The following WRN variants were observed in gnomAD, a reference collection of about 807,000 sequenced individuals.
WRN encodes the protein bifunctional 3'-5' exonuclease/ATP-dependent helicase WRN.
WRN carries 149 observed loss-of-function variants against 180.7 expected under a neutral mutation model. That is an observed-to-expected ratio of 0.82 (90% CI 0.72 to 0.94). The LOEUF (loss-of-function observed/expected upper bound fraction) is 0.94, where lower values mean the gene tolerates loss of function less well. WRN is among the 40% of genes least tolerant of loss of function. The pLI is 0.00. For missense variants in WRN, 1,661 were observed against 1,700.1 expected (o/e 0.98, Z 0.40); for synonymous variants, 548 against 568.9 (o/e 0.96, Z 0.52).
chr8:31,171,602 A>G (rs1004649031), intron 34 of WRN: 5 of 152,220 alleles, frequency 3.3e-5, no homozygotes, highest in African/African-American at 4.8e-5. Context: ...CAAAGTTGCA[A>G]TCTTAGCCAG....
chr8:31,103,001 A>G (rs1362636440), intron 18 of WRN, among the ~76,000 whole-genome samples: 1 of 152,088 alleles, frequency 6.6e-6, no homozygotes, highest in Non-Finnish European at 1.5e-5. Context: ...TTATTTTAAA[A>G]TTTTATTATT....
At chr8:31,141,832 A>G in intron 26 of WRN, 57 bp downstream of exon 26, 1 of 1,511,380 alleles carries the variant, frequency 6.6e-7, no homozygotes, top group South Asian at 1.1e-5. Context: ...TATTTATGTG[A>G]TTCAAATTAT....
intron 20 of WRN, among the ~76,000 whole-genome samples, chr8:31,116,943 A>G (rs1160810974): frequency 6.6e-6 from 1 of 152,232 alleles, no homozygotes; most frequent in Non-Finnish European, 1.5e-5. Flanking sequence ...TGTGACTGGT[A>G]TGGAATGGTT....
Position 31,116,395 on chromosome 8 carries a change from C to T in WRN, c.2315C>T (p.Pro772Leu), listed in dbSNP as rs140730934. The change falls in exon 20 of 35, where the codon CCT (proline) becomes CTT (leucine). Residue 772 changes from proline (P) to leucine (L), a missense_variant. By Grantham distance (98) the Pro-to-Leu change is moderately conservative. Coordinates refer to ENST00000298139, the MANE Select transcript of WRN (RefSeq NM_000553.6). Reference sequence around the variant, plus strand: ...GAAGGTCCAACAATCATCTACTGTCCTTCTAGAAAAATGACACAACAAGTT... The same window carrying T: ...GAAGGTCCAACAATCATCTACTGTCTTTCTAGAAAAATGACACAACAAGTT... The part of the protein sequence containing the change: ...EFEGPTIIYC[P>L]SRKMTQQVTG... The T allele has an allele frequency of 6.2e-7, 1 of 1,613,866 alleles. No homozygotes were observed. The highest frequency in any genetic ancestry group is 8.5e-7 in the Non-Finnish European group (1 of 1,179,922).
intron 6 of WRN, among the ~76,000 whole-genome samples, 198 bp downstream of exon 6, chr8:31,067,380 A>C (rs577277915): frequency 6.6e-6 from 1 of 152,294 alleles, no homozygotes; most frequent in African/African-American, 2.4e-5. Flanking sequence ...CAATCAACAG[A>C]TTGTTCAATG....
chr8:31,076,345 C>T, intron 8 of WRN, 58 bp downstream of exon 8: 1 of 1,397,984 alleles, frequency 7.2e-7, no homozygotes, highest in Non-Finnish European at 1.0e-6. Flanking sequence ...TTTTTTATCA[C>T]ATTTTCCTAT....
At chr8:31,112,339 TAAG>T (rs1801352798) in intron 19 of WRN, among the ~76,000 whole-genome samples, 1 of 152,200 alleles carries the variant, frequency 6.6e-6, no homozygotes. Flanking sequence ...ACTTCAGTCT[TAAG>T]GAGCTTAGAA....
At chr8:31,161,912 G>A (rs1329350378) in intron 33 of WRN, among the ~76,000 whole-genome samples, 1 of 151,398 alleles carries the variant, frequency 6.6e-6, no homozygotes, top group African/African-American at 2.4e-5. Context: ...CTTGCACCCT[G>A]GGAGTTGCTC....
intron 18 of WRN, among the ~76,000 whole-genome samples, chr8:31,102,287 G>A (rs1005934762): frequency 6.6e-5 from 10 of 152,170 alleles, no homozygotes; most frequent in Admixed American, 2.6e-4. Context: ...TATATACATG[G>A]AATCATGCAA....
intron 33 of WRN, among the ~76,000 whole-genome samples, chr8:31,165,794 C>A (rs1317660493): frequency 6.6e-6 from 1 of 151,964 alleles, no homozygotes; most frequent in East Asian, 1.9e-4. Context: ...TACATACATA[C>A]AACAGAATAC....
chr8:31,151,047 A>G (rs1803104243), intron 31 of WRN, among the ~76,000 whole-genome samples: 1 of 152,200 alleles, frequency 6.6e-6, no homozygotes, highest in South Asian at 2.1e-4. Context: ...GCAGAAGGTG[A>G]GGCAGTGGGA....
At chr8:31,118,202 C>A (rs1323820207) in intron 20 of WRN, among the ~76,000 whole-genome samples, 5 of 152,094 alleles carry the variant, frequency 3.3e-5, no homozygotes, top group Non-Finnish European at 1.5e-5. Flanking sequence ...GGAAACTTCA[C>A]AATGATCATT....
chr8:31,095,571 A>G (rs1813930424), intron 16 of WRN, among the ~76,000 whole-genome samples: 1 of 152,248 alleles, frequency 6.6e-6, no homozygotes. Context: ...AATGTTGTCT[A>G]TTGTATGAGG....
chr8:31,096,701 C>G (rs1585448873), intron 16 of WRN, 67 bp from the exon 17 acceptor site: 1 of 1,264,656 alleles, frequency 7.9e-7, no homozygotes, highest in African/African-American at 1.5e-5. Flanking sequence ...TGATTGTTTT[C>G]TTTATTGTTA....
At chr8:31,126,155 G>T (rs1801925447) in intron 23 of WRN, among the ~76,000 whole-genome samples, 3 of 152,080 alleles carry the variant, frequency 2.0e-5, no homozygotes, top group African/African-American at 7.2e-5. Flanking sequence ...CAGCATGCTG[G>T]ATCTCATTGA....
intron 9 of WRN, among the ~76,000 whole-genome samples, chr8:31,081,686 C>T (rs1047698838): frequency 7.9e-5 from 12 of 152,146 alleles, no homozygotes; most frequent in Non-Finnish European, 1.6e-4. Context: ...GGATTCTCTT[C>T]ATATCTACTA....
rs587778748 is a variant in WRN, at chr8:31,142,643, C to T, written c.3251C>T (p.Ser1084Leu). ...TTTTTTAGTTCGAAAACTGTATCTT[C>T]GGGCACCAAAGAGCATTGTTATAAT... Reference protein sequence around the residue: ...LLLPSSKTVSSGTKEHCYNQV... With the variant: ...LLLPSSKTVSLGTKEHCYNQV... Residue 1084 changes from serine to leucine, a missense_variant, in exon 27 of 35, where the codon TCG (serine) becomes TTG (leucine). By Grantham distance (145) the Ser-to-Leu change is moderately radical. Coordinates refer to ENST00000298139, the MANE Select transcript of WRN (RefSeq NM_000553.6). 47 of 1,600,210 alleles carry T rather than the reference C, an allele frequency of 2.9e-5. No individual in the cohort carries two copies. Among genetic ancestry groups the T allele is most frequent in the Middle Eastern group, 3.3e-4 (2 of 5,978 alleles).
In WRN at chr8:31,157,476, C is replaced by T; in HGVS notation, c.3928C>T (p.Pro1310Ser). 1 of 1,614,094 alleles carries T rather than the reference C, an allele frequency of 6.2e-7. No homozygotes were observed. Among genetic ancestry groups the T allele is most frequent in the South Asian group, 1.1e-5 (1 of 91,070 alleles). Reference sequence around the variant, plus strand: ...TGATTTGGAGCGAGCAGGCCTGACTCCAGAGGTTCAGAAGATTATTGCTGA... The same window carrying T: ...TGATTTGGAGCGAGCAGGCCTGACTTCAGAGGTTCAGAAGATTATTGCTGA... ...PLDLERAGLT[P>S]EVQKIIADVI... Residue 1310 changes from proline (P) to serine (S), a missense_variant, in exon 33 of 35, where the codon CCA (proline) becomes TCA (serine). Pro to Ser is a moderately conservative substitution (Grantham distance 74). Transcript: ENST00000298139.
In WRN at chr8:31,132,401, TAC is replaced by T. The variant is rs1253599006; in HGVS notation, c.2864_2865del (p.Thr955IlefsTer10). 1 of 1,614,046 alleles carries T rather than the reference TAC, an allele frequency of 6.2e-7. No individual in the cohort carries two copies. Among genetic ancestry groups the T allele is most frequent in the African/African-American group, 1.3e-5 (1 of 74,936 alleles). On this transcript the variant is annotated frameshift_variant, in exon 24 of 35. Coordinates refer to ENST00000298139, the MANE Select transcript of WRN (RefSeq NM_000553.6). LOFTEE classifies it high-confidence loss of function. ...GCTATTCCATGGATGACTCAGAGGATACATCCTGGGACTTTGGTCCACAAGCA... is the reference window on the plus strand; with the variant it reads ...GCTATTCCATGGATGACTCAGAGGATATCCTGGGACTTTGGTCCACAAGCA... ...HCYSMDDSEDTSWDFGPQAFK... is the reference protein window; with the variant it reads ...HCYSMDDSEDXSWDFGPQAFK...
Sources: gnomAD v4.1 joint callset for allele counts (sites outside exome capture counted in the v4.1 genomes callset) on GRCh38, gnomAD v4.1.1 for gene constraint, MANE v1.5 for transcripts, NCBI Gene and HGNC (gene_info 2026-07-23, HGNC 2026-07-21) for gene names.